The following XRRA1 variants were observed in gnomAD, a reference collection of about 807,000 sequenced individuals.
The protein encoded by XRRA1 is X-ray radiation resistance-associated protein 1.
A neutral mutation model predicts 80.2 loss-of-function variants in XRRA1; 69 were observed. The ratio of observed to expected loss-of-function variants is 0.86; its 90% CI spans 0.71 to 1.05. The LOEUF is 1.05. Among genes scored for constraint, XRRA1 ranks in the 50% least tolerant of loss-of-function variants. The probability of loss-of-function intolerance (pLI) is 0.00; values close to 1 mark genes in which losing one functional copy is unlikely to be tolerated. For missense variants in XRRA1, 967 were observed against 976.4 expected (o/e 0.99, Z 0.13); for synonymous variants, 348 against 389.9 (o/e 0.89, Z 1.27).
At chr11:74,923,472 T>A (rs1941435297) in intron 7 of XRRA1, among the ~76,000 whole-genome samples, 1 of 151,960 alleles carries the variant, frequency 6.6e-6, no homozygotes, top group African/African-American at 2.4e-5. Context: ...TGGGGAACAT[T>A]CTCCCCTCAT....
chr11:74,934,349 C>A (rs1944411475), intron 4 of XRRA1, among the ~76,000 whole-genome samples: 1 of 152,028 alleles, frequency 6.6e-6, no homozygotes, highest in South Asian at 2.1e-4. Flanking sequence ...AAACCTCATT[C>A]TTTTTTTGTT....
At chr11:74,880,402 C>CA (rs1385578211) in intron 10 of XRRA1, among the ~76,000 whole-genome samples, 1 of 151,474 alleles carries the variant, frequency 6.6e-6, no homozygotes, top group Admixed American at 6.6e-5. Flanking sequence ...TTGATCCTTT[C>CA]AAAAAACCAG....
At chr11:74,844,518 TG>T (rs1464537838) in intron 16 of XRRA1, among the ~76,000 whole-genome samples, 2 of 152,210 alleles carry the variant, frequency 1.3e-5, no homozygotes, top group Non-Finnish European at 2.9e-5. Flanking sequence ...CAGATTGTAA[TG>T]GGTAAATAGT....
chr11:74,890,830 A>G (rs2050475077), intron 10 of XRRA1, among the ~76,000 whole-genome samples: 2 of 152,220 alleles, frequency 1.3e-5, no homozygotes, highest in African/African-American at 4.8e-5. Context: ...CTCAACACAT[A>G]CACCCTCCCA....
chr11:74,939,771 A>G (rs1945915846), intron 3 of XRRA1, among the ~76,000 whole-genome samples: 1 of 152,240 alleles, frequency 6.6e-6, no homozygotes, highest in Non-Finnish European at 1.5e-5. Flanking sequence ...ACACTAAAAC[A>G]TATAGATATA....
intron 12 of XRRA1, 66 bp downstream of exon 12, chr11:74,859,092 A>C: frequency 6.7e-7 from 1 of 1,500,656 alleles, no homozygotes; most frequent in East Asian, 2.5e-5. Context: ...TTTTTAGGCC[A>C]GAGCAACTTG....
chr11:74,906,369 C>A lies in XRRA1; in HGVS notation c.873G>T (p.Trp291Cys). 1.2e-6 allele frequency: 2 copies of A among 1,614,026 alleles called. No homozygotes were observed. Among genetic ancestry groups the A allele is most frequent in the Non-Finnish European group, 1.7e-6 (2 of 1,179,904 alleles). Residue 291 changes from tryptophan to cysteine, a missense_variant, in exon 10 of 19, where the codon TGG (tryptophan) becomes TGT (cysteine). Trp to Cys is a radical substitution (Grantham distance 215). Transcript: ENST00000684022. ...TATGGGGACTTCCCCTGCCTCCATT[C>A]CAGTCTACTGACTCGTCATAGAGCT... ...QVQLYDESVD[W>C]NGGRGSPHKE...
At chr11:74,911,706 T>C (rs562771919) in intron 8 of XRRA1, among the ~76,000 whole-genome samples, 9 of 152,110 alleles carry the variant, frequency 5.9e-5, no homozygotes, top group African/African-American at 2.2e-4. Context: ...CCATTCCCCG[T>C]GGTGGTGGAT....
Position 74,843,955 on chromosome 11 carries a change from TG to T in XRRA1, c.2047del (p.Gln683ArgfsTer34). On this transcript the variant is annotated frameshift_variant, in exon 18 of 19. Coordinates refer to ENST00000684022, the MANE Select transcript of XRRA1 (RefSeq NM_001378157.1). LOFTEE classifies it high-confidence loss of function. ...KPYVHKEKRA[Q>X]RIPIPPPKKT... Reference sequence around the variant, plus strand: ...CTTTGGGGGTGGAATCGGGATTCTCTGGGCCTGGCAGAAGGTCATGGAGGAG... The same window carrying T: ...CTTTGGGGGTGGAATCGGGATTCTCTGGCCTGGCAGAAGGTCATGGAGGAG... 1 of 1,613,264 alleles carries T rather than the reference TG, an allele frequency of 6.2e-7. No homozygotes were observed. The highest frequency in any genetic ancestry group is 8.5e-7 in the Non-Finnish European group (1 of 1,179,510).
intron 5 of XRRA1, among the ~76,000 whole-genome samples, chr11:74,931,401 C>T (rs573925): frequency 0.44 from 66,511 of 151,216 alleles, 15,087 homozygotes; most frequent in Middle Eastern, 0.53. Context: ...CTTGGCTCAC[C>T]GCAACCTCCA....
chr11:74,941,778 C>G (rs1006972380), intron 2 of XRRA1, among the ~76,000 whole-genome samples: 18 of 151,738 alleles, frequency 1.2e-4, no homozygotes, highest in Non-Finnish European at 8.8e-5. Flanking sequence ...CCAGGGATAG[C>G]TGATGAGAGT....
chr11:74,890,158 A>T (rs1012168110), intron 10 of XRRA1, among the ~76,000 whole-genome samples: 42 of 152,160 alleles, frequency 2.8e-4, no homozygotes, highest in African/African-American at 9.7e-4. Context: ...GAAGTAAAGC[A>T]CTCATCAGCA....
chr11:74,897,347 T>G (rs1374692029), intron 10 of XRRA1, among the ~76,000 whole-genome samples: 4 of 150,994 alleles, frequency 2.6e-5, no homozygotes, highest in African/African-American at 9.7e-5. Flanking sequence ...AAAAAAACAG[T>G]GAAGTATGCC....
Position 74,937,076 on chromosome 11 carries a change from G to T in XRRA1, c.95-8C>A. 2 of 1,610,324 alleles carry T rather than the reference G, an allele frequency of 1.2e-6. No individual in the cohort carries two copies. Among genetic ancestry groups the T allele is most frequent in the Admixed American group, 1.7e-5 (1 of 59,340 alleles). On this transcript the variant is annotated splice_region_variant and splice_polypyrimidine_tract_variant and intron_variant, in intron 3 of 18. Transcript: ENST00000684022. ...CTAACCAGTGTCCTTGGCCTGTTGA[G>T]AAAATTAGAACAGTGAAAAGGGGAA... is the stretch of plus-strand genomic sequence containing the variant.
At position 74,906,245 on chromosome 11, in the gene XRRA1, G is replaced by A. The variant is rs780878723; in HGVS notation, c.997C>T (p.Arg333Trp). 71 of 1,613,410 alleles carry A rather than the reference G, an allele frequency of 4.4e-5. No individual in the cohort carries two copies. Among genetic ancestry groups the A allele is most frequent in the East Asian group, 1.3e-4 (6 of 44,888 alleles). ...GACAAGGGGTGTCACTCACCTGTCC[G>A]GTCAACATCCTTTTTCATGGGCAGT... ...TVLPMKKDVDRTEVVFSSYPG... is the reference protein window; with the variant it reads ...TVLPMKKDVDWTEVVFSSYPG... Residue 333 changes from arginine to tryptophan, a missense_variant, in exon 10 of 19, where the codon CGG becomes TGG. Transcript: ENST00000684022.
At chr11:74,848,838 T>C (rs1317675154) in intron 14 of XRRA1, among the ~76,000 whole-genome samples, 1 of 152,184 alleles carries the variant, frequency 6.6e-6, no homozygotes, top group Non-Finnish European at 1.5e-5. Flanking sequence ...TGGCCCTCAG[T>C]AGTCTCATTC....
chr11:74,937,215 G>T, intron 3 of XRRA1, 147 bp from the exon 4 acceptor site: 1 of 799,658 alleles, frequency 1.3e-6, no homozygotes. Flanking sequence ...GGGGGTAGGG[G>T]AGATATCTAC....
In XRRA1 at chr11:74,936,872, A is replaced by T. The variant is rs1945128618; in HGVS notation, c.279+12T>A. On this transcript the variant is annotated intron_variant, in intron 4 of 18. Transcript: ENST00000684022. ...TGATGTGCTGGCCACTCCAGGATGC[A>T]TTTACTCTCACCAGAAAAGCCTGGT... The T allele has an allele frequency of 6.2e-7, 1 of 1,611,546 alleles. No individual in the cohort carries two copies. Among genetic ancestry groups the T allele is most frequent in the South Asian group, 1.1e-5 (1 of 90,522 alleles).
intron 3 of XRRA1, 26 bp downstream of exon 3, chr11:74,940,759 G>T: frequency 6.4e-7 from 1 of 1,569,688 alleles, no homozygotes; most frequent in Non-Finnish European, 8.7e-7. Context: ...ATGAGGAAAA[G>T]GTAGCTATTT....
Sources: gnomAD v4.1 joint callset for allele counts (sites outside exome capture counted in the v4.1 genomes callset) on GRCh38, gnomAD v4.1.1 for gene constraint, MANE v1.5 for transcripts, NCBI Gene and HGNC (gene_info 2026-07-23, HGNC 2026-07-21) for gene names.